Variants in CACNA2D3 observed in about 807,000 individuals in gnomAD.
CACNA2D3 encodes voltage-dependent calcium channel subunit alpha-2/delta-3.
A neutral mutation model predicts 160.6 loss-of-function variants in CACNA2D3; 60 were observed. The ratio of observed to expected loss-of-function variants is 0.37; its 90% CI spans 0.30 to 0.46. The LOEUF is 0.46. Ranked by LOEUF, CACNA2D3 falls within the 20% of genes least tolerant of loss-of-function variation. The pLI is 1.00. For synonymous variants in CACNA2D3, 558 were observed against 492.9 expected, an observed-to-expected ratio of 1.13 and a Z score of -1.75; for missense variants, 1,205 against 1,365.0, an observed-to-expected ratio of 0.88 and a Z score of 1.85.
chr3:54,617,426 G>A lies in CACNA2D3; in HGVS notation c.964-10361G>A, dbSNP rs546905547. The stretch of plus-strand genomic sequence containing the variant: ...CCCTCAAGTTCAGACGTGGTGATGC[G>A]ATCCAGACCTGAATAAGTCAGAGGT... On this transcript the variant is annotated intron_variant, in intron 9 of 37. Coordinates refer to ENST00000474759, the MANE Select transcript of CACNA2D3 (RefSeq NM_018398.3). Among the ~76,000 whole-genome samples, 7 of 152,202 alleles carry A rather than the reference G, an allele frequency of 4.6e-5. No homozygotes were observed. The East Asian group carries it at 1.4e-3, about 29-fold the overall frequency.
At chr3:55,036,246 A>G (rs1168165262) in intron 35 of CACNA2D3, among the ~76,000 whole-genome samples, 1 of 151,964 alleles carries the variant, frequency 6.6e-6, no homozygotes, top group African/African-American at 2.4e-5. Flanking sequence ...GAGGAGTTCG[A>G]GACCAGCCTG....
At chr3:54,951,124 A>G (rs1701746244) in intron 27 of CACNA2D3, among the ~76,000 whole-genome samples, 1 of 151,972 alleles carries the variant, frequency 6.6e-6, no homozygotes, top group East Asian at 1.9e-4. Context: ...GAACTAGTTG[A>G]GAGTTGTTTA....
rs1409642107 is a variant in CACNA2D3, at chr3:54,982,450, AAGTC to A, written c.2557-2152_2557-2149del. Among the ~76,000 whole-genome samples the A allele has an allele frequency of 3.9e-5, 6 of 151,992 alleles. 1 individual carries two copies. The highest frequency in any genetic ancestry group is 8.8e-5 in the Non-Finnish European group (6 of 67,996). ...CAGGTAGATGCACCCCACTTACCCA[AAGTC>A]AGTCAACTGGTGCATGCAGATGATT... On this transcript the variant is annotated intron_variant, in intron 29 of 37. Coordinates refer to ENST00000474759, the MANE Select transcript of CACNA2D3 (RefSeq NM_018398.3).
intron 4 of CACNA2D3, among the ~76,000 whole-genome samples, chr3:54,500,470 C>CATCTTCCTTCCTTCCT (rs1311937103): frequency 0.023 from 2,797 of 120,812 alleles, 311 homozygotes; most frequent in East Asian, 0.048. Flanking sequence ...CAGGTCCGTC[C>CATCTTCCTTCCTTCCT]ATCTTCCTTC....
chr3:54,916,674 G>A (rs528814276), intron 27 of CACNA2D3, among the ~76,000 whole-genome samples: 1 of 151,620 alleles, frequency 6.6e-6, no homozygotes, highest in African/African-American at 2.4e-5. Context: ...TATTAGAGGT[G>A]CATCCGTGTG....
At chr3:54,400,138 A>T (rs1006756367) in intron 4 of CACNA2D3, among the ~76,000 whole-genome samples, 17 of 144,826 alleles carry the variant, frequency 1.2e-4, no homozygotes, top group Non-Finnish European at 2.0e-4. Flanking sequence ...AGGTGAGGCA[A>T]TGCCTCGCCC....
chr3:55,031,049 C>T (rs539636595), intron 35 of CACNA2D3, among the ~76,000 whole-genome samples: 1 of 152,258 alleles, frequency 6.6e-6, no homozygotes, highest in Admixed American at 6.5e-5. Context: ...GGGCTCACAA[C>T]ACAGTGAGGC....
At chr3:54,400,324 G>T (rs551498760) in intron 4 of CACNA2D3, among the ~76,000 whole-genome samples, 8 of 151,864 alleles carry the variant, frequency 5.3e-5, no homozygotes, top group Non-Finnish European at 7.4e-5. Context: ...TGGCTCCTCC[G>T]AGAGTGAACC....
Position 54,596,777 on chromosome 3 carries a change from G to A in CACNA2D3, c.963+14900G>A, listed in dbSNP as rs181923443. Among the ~76,000 whole-genome samples the A allele has an allele frequency of 1.2e-4, 18 of 152,122 alleles. No individual in the cohort carries two copies. In the East Asian group the frequency reaches 3.5e-3, roughly 30 times the overall value. ...TTGCATATGTTCTTTTCCCTTCTCTGGAACGCGCTGTTTCTCTCCTTCCTG... is the reference window on the plus strand; with the variant it reads ...TTGCATATGTTCTTTTCCCTTCTCTAGAACGCGCTGTTTCTCTCCTTCCTG... On this transcript the variant is annotated intron_variant, in intron 9 of 37. Coordinates refer to ENST00000474759, the MANE Select transcript of CACNA2D3 (RefSeq NM_018398.3).
intron 35 of CACNA2D3, among the ~76,000 whole-genome samples, chr3:55,056,601 G>A (rs761093799): frequency 2.1e-4 from 32 of 152,266 alleles, no homozygotes; most frequent in Non-Finnish European, 2.9e-4. Context: ...CAGTATAAGC[G>A]CACAATGGAA....
At chr3:54,258,364 C>A (rs1702340704) in intron 2 of CACNA2D3, among the ~76,000 whole-genome samples, 1 of 152,134 alleles carries the variant, frequency 6.6e-6, no homozygotes, top group African/African-American at 2.4e-5. Context: ...AAATGAGAGT[C>A]TGAACCCCTG....
intron 27 of CACNA2D3, among the ~76,000 whole-genome samples, chr3:54,902,587 G>T (rs1700360170): frequency 6.6e-6 from 1 of 152,144 alleles, no homozygotes; most frequent in South Asian, 2.1e-4. Flanking sequence ...GAAGTGGTGG[G>T]ACTCTCCCTT....
intron 10 of CACNA2D3, among the ~76,000 whole-genome samples, chr3:54,635,353 G>A (rs1038976037): frequency 2.6e-5 from 4 of 151,974 alleles, no homozygotes; most frequent in Non-Finnish European, 5.9e-5. Context: ...TAAGAGTGGC[G>A]GTTTGGGGAT....
intron 13 of CACNA2D3, among the ~76,000 whole-genome samples, chr3:54,788,271 C>T (rs956848079): frequency 6.6e-6 from 1 of 152,162 alleles, no homozygotes; most frequent in Non-Finnish European, 1.5e-5. Flanking sequence ...GGCTGTTCCT[C>T]AATATAGCCT....
intron 4 of CACNA2D3, among the ~76,000 whole-genome samples, chr3:54,491,001 A>G (rs1376899073): frequency 6.6e-6 from 1 of 152,160 alleles, no homozygotes; most frequent in East Asian, 1.9e-4. Flanking sequence ...GAGGAGACTG[A>G]GGCACATATA....
chr3:54,301,915 A>G (rs56352534), intron 2 of CACNA2D3, among the ~76,000 whole-genome samples: 36,452 of 152,200 alleles, frequency 0.24, 4,572 homozygotes, highest in South Asian at 0.34. Context: ...CCTTATGTAG[A>G]TCTGATGTAC....
chr3:54,971,647 A>C (rs1014515915), intron 29 of CACNA2D3, among the ~76,000 whole-genome samples: 1 of 152,254 alleles, frequency 6.6e-6, no homozygotes, highest in African/African-American at 2.4e-5. Context: ...CCCAGAACCC[A>C]CACTGCCTCA....
At chr3:54,756,747 G>T (rs1256153642) in intron 12 of CACNA2D3, among the ~76,000 whole-genome samples, 1 of 152,084 alleles carries the variant, frequency 6.6e-6, no homozygotes, top group African/African-American at 2.4e-5. Context: ...TTCTTCCTTG[G>T]GAGTCTGGTA....
At chr3:54,805,982 G>T (rs888475557) in intron 13 of CACNA2D3, among the ~76,000 whole-genome samples, 3 of 152,084 alleles carry the variant, frequency 2.0e-5, no homozygotes, top group Non-Finnish European at 4.4e-5. Context: ...TGCAGAAAAG[G>T]CCTTTGACAA....
Sources: allele counts gnomAD v4.1 joint callset (sites outside exome capture counted in the v4.1 genomes callset), GRCh38; gene constraint gnomAD v4.1.1; transcripts MANE v1.5; gene names NCBI Gene and HGNC (gene_info 2026-07-23, HGNC 2026-07-21).